CACNA1B: variants seen among roughly 807,000 people sequenced by gnomAD.
CACNA1B encodes the protein voltage-dependent N-type calcium channel subunit alpha-1B.
In CACNA1B, 70 loss-of-function variants were observed where a neutral mutation model predicts 247.2. The ratio of observed to expected loss-of-function variants is 0.28; its 90% CI spans 0.23 to 0.35. CACNA1B has a LOEUF of 0.35. Ranked by LOEUF, CACNA1B falls within the 10% of genes least tolerant of loss-of-function variation. The pLI, the probability that CACNA1B is intolerant of heterozygous loss-of-function variation, is 1.00. For synonymous variants in CACNA1B, 1,231 were observed against 1,294.4 expected (o/e 0.95, Z 1.05); for missense variants, 2,367 against 3,197.4 (o/e 0.74, Z 6.26).
At chr9:138,002,377 T>G (rs1424622028) in intron 15 of CACNA1B, among the ~76,000 whole-genome samples, 1 of 152,026 alleles carries the variant, frequency 6.6e-6, no homozygotes, top group Non-Finnish European at 1.5e-5. Flanking sequence ...GAAACCTAAA[T>G]GTAAAAAATC....
intron 43 of CACNA1B, 31 bp downstream of exon 43, chr9:138,118,112 G>A: frequency 5.4e-6 from 8 of 1,470,656 alleles, no homozygotes; most frequent in Non-Finnish European, 6.4e-6. Flanking sequence ...GTGAGACTGG[G>A]TTGGGGGATG....
rs1393082132 is a variant in CACNA1B at position 138,057,665 on chromosome 9, TC to T, written c.3969-66del. On this transcript the variant is annotated intron_variant, in intron 26 of 46. Coordinates refer to ENST00000371372, the MANE Select transcript of CACNA1B (RefSeq NM_000718.4). This position sits in a 1 kb window ranked among gnomAD's most constrained non-coding sequence, Gnocchi z 4.0. The stretch of plus-strand genomic sequence containing the variant: ...TTTCCCCACGGAATGGTTTCAACAC[TC>T]TTGATAGGTGGGTTTATTTGGATCT... The T allele has an allele frequency of 1.5e-5, 23 of 1,507,204 alleles. No homozygotes were observed. In the Middle Eastern group the frequency reaches 6.9e-4, roughly 45 times the overall value. 93.4% of individuals were successfully genotyped at this position (1,507,204 alleles called of 1,614,324 possible). A position where few individuals can be genotyped will look rare whatever the true frequency, so the allele number is the denominator to read the frequency against.
rs1321333685 is a variant in CACNA1B, at chr9:137,881,821, G to C, written c.391-923G>C. Among the ~76,000 whole-genome samples, 1 of 152,206 alleles carries C rather than the reference G, an allele frequency of 6.6e-6. No homozygotes were observed. Among genetic ancestry groups the C allele is most frequent in the Non-Finnish European group, 1.5e-5 (1 of 68,030 alleles). On this transcript the variant is annotated intron_variant, in intron 2 of 46. Coordinates refer to ENST00000371372, the MANE Select transcript of CACNA1B (RefSeq NM_000718.4). This position sits in a 1 kb window ranked among gnomAD's most constrained non-coding sequence, Gnocchi z 4.3. ...GCTCTCTCATGTCCAGTAACTGTTG[G>C]CTGGAGCTCAGCCTGGGGTGCAGGA... is the stretch of plus-strand genomic sequence containing the variant.
chr9:137,899,625 C>T lies in CACNA1B; in HGVS notation c.531-13555C>T, dbSNP rs1462811846. ...TGGGGAGGCCGAGGGGATGCTGTGG[C>T]GTCTTTGGCCGAGAACTGCCGGCTC... On this transcript the variant is annotated intron_variant, in intron 3 of 46. Transcript: ENST00000371372. This position sits in a 1 kb window ranked among gnomAD's most constrained non-coding sequence, Gnocchi z 5.0. 1.3e-5 allele frequency among the ~76,000 whole-genome samples: 2 copies of T among 152,162 alleles called. No individual in the cohort carries two copies. Among genetic ancestry groups the T allele is most frequent in the South Asian group, 2.1e-4 (1 of 4,824 alleles).
chr9:138,090,085 A>G (rs114766027), intron 36 of CACNA1B, among the ~76,000 whole-genome samples: 3,525 of 152,250 alleles, frequency 0.023, 138 homozygotes, highest in African/African-American at 0.08. Context: ...AAAAAATCCT[A>G]AAATTAATAC....
At chr9:138,099,231 A>G (rs1961161793) in intron 37 of CACNA1B, among the ~76,000 whole-genome samples, 1 of 152,228 alleles carries the variant, frequency 6.6e-6, no homozygotes, top group South Asian at 2.1e-4. Context: ...TGTGTTGTGC[A>G]CGCATGCACA....
At chr9:137,937,595 GA>G (rs1176835078) in intron 6 of CACNA1B, among the ~76,000 whole-genome samples, 1 of 152,098 alleles carries the variant, frequency 6.6e-6, no homozygotes, top group East Asian at 1.9e-4. Flanking sequence ...GAACATCTGG[GA>G]AATTCATTGC....
chr9:137,891,879 G>C lies in CACNA1B; in HGVS notation c.530+8996G>C. On this transcript the variant is annotated intron_variant, in intron 3 of 46. Transcript: ENST00000371372. This position sits in a 1 kb window ranked among gnomAD's most constrained non-coding sequence, Gnocchi z 4.3. ...GTCACATGGTAGCACCCCCCACCCA[G>C]TCCCTGCCCTCTTCACGACCCTGCT... 2.7e-6 allele frequency: 1 copy of C among 366,098 alleles called. No homozygotes were observed. Among genetic ancestry groups the C allele is most frequent in the East Asian group, 7.3e-5 (1 of 13,680 alleles). The allele number at this position is 366,098 out of a possible 1,614,324, so 22.7% of individuals were successfully genotyped here.
chr9:138,027,889 C>T (rs1958940365), intron 20 of CACNA1B, among the ~76,000 whole-genome samples: 1 of 152,046 alleles, frequency 6.6e-6, no homozygotes, highest in African/African-American at 2.4e-5. Context: ...TGTTCTGTAG[C>T]TTTCTTTTGT....
At chr9:137,967,985 TCCC>T (rs1958100912) in intron 10 of CACNA1B, among the ~76,000 whole-genome samples, 1 of 152,232 alleles carries the variant, frequency 6.6e-6, no homozygotes. Context: ...TTGACTGAAC[TCCC>T]CTTTTTTTCA....
Position 138,059,639 on chromosome 9 carries a change from C to T in CACNA1B, c.4585-15C>T, listed in dbSNP as rs750261942. ...TCATCAGCCGCTGGCACTAACTGCT[C>T]TTCTTTTTCTCTAGAACTATTTCAG... On this transcript the variant is annotated splice_polypyrimidine_tract_variant and intron_variant, in intron 30 of 46. Transcript: ENST00000371372. The surrounding 1 kb of genome is among the most constrained non-coding windows in gnomAD (Gnocchi z 4.2). 6.5e-6 allele frequency: 10 copies of T among 1,548,478 alleles called. No homozygotes were observed. The East Asian group carries it at 2.0e-4, about 31-fold the overall frequency.
chr9:137,894,872 T>A (rs1287480057), intron 3 of CACNA1B, among the ~76,000 whole-genome samples: 1 of 152,224 alleles, frequency 6.6e-6, no homozygotes, highest in Admixed American at 6.5e-5. Context: ...GCAGCAAAAC[T>A]TTTAAATTTT....
Position 137,974,094 on chromosome 9 carries a change from G to A in CACNA1B, c.1544-1813G>A, listed in dbSNP as rs924873527. The stretch of plus-strand genomic sequence containing the variant: ...GCTCTGGGACTTTGTGGCCAGGCGT[G>A]TTGGGCCTTTCCAAGCTGCTTGTGT... On this transcript the variant is annotated intron_variant, in intron 11 of 46. Transcript: ENST00000371372. This position sits in a 1 kb window ranked among gnomAD's most constrained non-coding sequence, Gnocchi z 4.5. 2.0e-5 allele frequency among the ~76,000 whole-genome samples: 3 copies of A among 152,200 alleles called. No homozygotes were observed. Among genetic ancestry groups the A allele is most frequent in the Admixed American group, 6.5e-5 (1 of 15,282 alleles).
chr9:137,935,497 C>T (rs1246312714), intron 6 of CACNA1B, among the ~76,000 whole-genome samples: 1 of 152,200 alleles, frequency 6.6e-6, no homozygotes, highest in African/African-American at 2.4e-5. Context: ...CTAATCCAGT[C>T]TATCATTGAT....
At chr9:138,031,808 A>G (rs1385917646) in intron 20 of CACNA1B, among the ~76,000 whole-genome samples, 2 of 152,080 alleles carry the variant, frequency 1.3e-5, no homozygotes, top group South Asian at 2.1e-4. Context: ...TATCTTATGT[A>G]GATATGTTCA....
chr9:137,878,656 C>T (rs1956870667), intron 1 of CACNA1B, among the ~76,000 whole-genome samples: 1 of 152,148 alleles, frequency 6.6e-6, no homozygotes, highest in Admixed American at 6.5e-5. Flanking sequence ...GTTCACGTGC[C>T]TGTGTAGGTA....
At position 138,023,488 on chromosome 9, in the gene CACNA1B, C is replaced by T. The variant is rs1173307664; in HGVS notation, c.2745C>T (p.Gly915=). The part of the protein sequence containing the change: ...ERGRGPGPEG[G]RRHHRRGSPE... ...GCCGAGGCCCAGGCCCCGAGGGCGG[C>T]CGGCGGCACCACCGGCGCGGCTCCC... The change falls in exon 19 of 47, where the codon GGC becomes GGT. Residue 915 remains glycine, a synonymous_variant. Coordinates refer to ENST00000371372, the MANE Select transcript of CACNA1B (RefSeq NM_000718.4). The T allele has an allele frequency of 2.0e-5, 22 of 1,109,032 alleles. No individual in the cohort carries two copies. The East Asian group carries it at 9.6e-4, about 49-fold the overall frequency. 68.7% of individuals were successfully genotyped at this position (1,109,032 alleles called of 1,614,324 possible). A position where few individuals can be genotyped will look rare whatever the true frequency, so the allele number is the denominator to read the frequency against.
chr9:137,960,939 A>G (rs1026861086), intron 10 of CACNA1B, among the ~76,000 whole-genome samples: 1 of 151,280 alleles, frequency 6.6e-6, no homozygotes, highest in African/African-American at 2.4e-5. Context: ...TTTGGTTTTG[A>G]TTTGTATTTC....
chr9:138,050,144 T>C lies in CACNA1B; in HGVS notation c.3710+829T>C, dbSNP rs973214308. 3.3e-6 allele frequency: 4 copies of C among 1,227,072 alleles called. No individual in the cohort carries two copies. Among genetic ancestry groups the C allele is most frequent in the Non-Finnish European group, 4.3e-6 (4 of 931,770 alleles). 76.0% of individuals were successfully genotyped at this position (1,227,072 alleles called of 1,614,324 possible). ...GACATCACAGCATTCCAGCAGCCCC[T>C]CTTGGGTCATTTCATCTCCAGCCTC... On this transcript the variant is annotated intron_variant, in intron 24 of 46. Transcript: ENST00000371372. This position sits in a 1 kb window ranked among gnomAD's most constrained non-coding sequence, Gnocchi z 5.2.
Sources: gnomAD v4.1 joint callset for allele counts (sites outside exome capture counted in the v4.1 genomes callset) on GRCh38, gnomAD v4.1.1 for gene constraint, Gnocchi (gnomAD v3.1) non-coding constraint, MANE v1.5 for transcripts, NCBI Gene and HGNC (gene_info 2026-07-23, HGNC 2026-07-21) for gene names.